SPIRE1: variants seen among roughly 807,000 people sequenced by gnomAD.
SPIRE1 encodes protein spire homolog 1.
SPIRE1 carries 40 observed loss-of-function variants against 94.1 expected under a neutral mutation model. The ratio of observed to expected loss-of-function variants is 0.43; its 90% CI spans 0.33 to 0.55. The LOEUF (loss-of-function observed/expected upper bound fraction) is 0.55. SPIRE1 is among the 20% of genes least tolerant of loss of function. The pLI is 0.06. For synonymous variants in SPIRE1, 376 were observed against 371.7 expected (o/e 1.01, Z -0.13); for missense variants, 838 against 975.2 (o/e 0.86, Z 1.87).
intron 2 of SPIRE1, among the ~76,000 whole-genome samples, chr18:12,602,382 C>G (rs776510363): frequency 2.6e-5 from 4 of 152,116 alleles, no homozygotes; most frequent in Non-Finnish European, 5.9e-5. Flanking sequence ...GCTTGATGTT[C>G]ATTTTTAATT....
chr18:12,569,013 G>C (rs1205839477), intron 2 of SPIRE1, among the ~76,000 whole-genome samples: 1 of 152,110 alleles, frequency 6.6e-6, no homozygotes. Flanking sequence ...GAGCCAAAAA[G>C]TAATTCTAAA....
chr18:12,559,793 A>C lies in SPIRE1; in HGVS notation c.373-12889T>G, dbSNP rs1388088923. Among the ~76,000 whole-genome samples, 1 of 152,214 alleles carries C rather than the reference A, an allele frequency of 6.6e-6. No homozygotes were observed. Among genetic ancestry groups the C allele is most frequent in the African/African-American group, 2.4e-5 (1 of 41,452 alleles). ...ATAGCTTTTGCCAGTGAAGAAAACA[A>C]CAAAATGAAGAAACAACCCAAAGAA... On this transcript the variant is annotated intron_variant, in intron 2 of 16. Transcript: ENST00000409402. The surrounding 1 kb of genome is among the most constrained non-coding windows in gnomAD (Gnocchi z 4.7).
intron 2 of SPIRE1, among the ~76,000 whole-genome samples, chr18:12,600,903 G>T (rs558369052): frequency 2.0e-5 from 3 of 151,996 alleles, no homozygotes; most frequent in African/African-American, 4.8e-5. Context: ...TTGTGTTTTT[G>T]TAGAGATGAG....
At chr18:12,472,874 C>T (rs900620139) in intron 10 of SPIRE1, among the ~76,000 whole-genome samples, 1 of 152,192 alleles carries the variant, frequency 6.6e-6, no homozygotes. Context: ...CTCACTGCAA[C>T]CTCCACCTCC....
At chr18:12,649,547 T>C (rs924848240) in intron 1 of SPIRE1, among the ~76,000 whole-genome samples, 1 of 152,226 alleles carries the variant, frequency 6.6e-6, no homozygotes, top group Non-Finnish European at 1.5e-5. Context: ...GGGAAATACA[T>C]ACAGCTCTAA....
intron 7 of SPIRE1, among the ~76,000 whole-genome samples, chr18:12,495,669 G>T (rs2033431288): frequency 6.6e-6 from 1 of 152,074 alleles, no homozygotes; most frequent in African/African-American, 2.4e-5. Context: ...TGGGAGGACT[G>T]CTTGAGGCCA....
chr18:12,647,504 A>G (rs1453858364), intron 1 of SPIRE1, among the ~76,000 whole-genome samples: 3 of 152,144 alleles, frequency 2.0e-5, no homozygotes, highest in Non-Finnish European at 4.4e-5. Flanking sequence ...TAATCCCACC[A>G]CTGTGGGAAG....
intron 4 of SPIRE1, among the ~76,000 whole-genome samples, chr18:12,530,952 G>T (rs897914030): frequency 1.3e-5 from 2 of 152,150 alleles, no homozygotes; most frequent in Non-Finnish European, 2.9e-5. Flanking sequence ...GCTAGAGCAT[G>T]CTAGGAACGT....
At position 12,454,915 on chromosome 18, in the gene SPIRE1, T is replaced by A. The variant is rs28543064; in HGVS notation, c.1639-432A>T. Among the ~76,000 whole-genome samples, 715 of 151,734 alleles carry A rather than the reference T, an allele frequency of 4.7e-3. 3 individuals carry two copies. The highest frequency in any genetic ancestry group is 0.016 in the African/African-American group (673 of 41,438). Reference sequence around the variant, plus strand: ...GTGTTGTACATTATATACCAATAGATAAAAAGCAAATCTACAGTGGTCCTT... The same window carrying A: ...GTGTTGTACATTATATACCAATAGAAAAAAAGCAAATCTACAGTGGTCCTT... On this transcript the variant is annotated intron_variant, in intron 12 of 16. Coordinates refer to ENST00000409402, the MANE Select transcript of SPIRE1 (RefSeq NM_001128626.2).
intron 2 of SPIRE1, among the ~76,000 whole-genome samples, chr18:12,623,741 G>A (rs116935070): frequency 6.6e-6 from 1 of 152,080 alleles, no homozygotes; most frequent in South Asian, 2.1e-4. Context: ...CAATTCTCTT[G>A]TCTCAGCCTC....
intron 2 of SPIRE1, among the ~76,000 whole-genome samples, chr18:12,553,990 A>G (rs939692033): frequency 3.3e-5 from 5 of 152,094 alleles, no homozygotes; most frequent in African/African-American, 1.2e-4. Flanking sequence ...AAAATCAAAG[A>G]CGTAAAAGGA....
At chr18:12,479,996 T>C in intron 9 of SPIRE1, 125 bp from the exon 10 acceptor site, 2 of 822,444 alleles carry the variant, frequency 2.4e-6, no homozygotes, top group Non-Finnish European at 3.6e-6. Flanking sequence ...ACCTTGCCTA[T>C]GTATAGAAAA....
At chr18:12,636,593 C>T (rs1033055220) in intron 1 of SPIRE1, among the ~76,000 whole-genome samples, 1 of 151,216 alleles carries the variant, frequency 6.6e-6, no homozygotes, top group African/African-American at 2.4e-5. Context: ...ATGAGAAACA[C>T]TGGCTGAAAC....
At chr18:12,593,876 C>A (rs761668576) in intron 2 of SPIRE1, among the ~76,000 whole-genome samples, 1 of 151,982 alleles carries the variant, frequency 6.6e-6, no homozygotes, top group Admixed American at 6.6e-5. Context: ...CGCTTGAACC[C>A]GGGAGGCGGA....
At chr18:12,540,831 G>A (rs1020885792) in intron 3 of SPIRE1, among the ~76,000 whole-genome samples, 1 of 152,218 alleles carries the variant, frequency 6.6e-6, no homozygotes, top group African/African-American at 2.4e-5. Flanking sequence ...GAAAATTCCA[G>A]AAATAAATAA....
chr18:12,459,528 C>T (rs1421995768), intron 12 of SPIRE1, among the ~76,000 whole-genome samples: 1 of 152,256 alleles, frequency 6.6e-6, no homozygotes, highest in Non-Finnish European at 1.5e-5. Context: ...CAAACACCCA[C>T]AGGTCCCCTT....
chr18:12,572,750 T>C (rs150175670), intron 2 of SPIRE1, among the ~76,000 whole-genome samples: 1 of 152,286 alleles, frequency 6.6e-6, no homozygotes, highest in Non-Finnish European at 1.5e-5. Context: ...TCAACTGATA[T>C]TTCACAAAGG....
At chr18:12,505,195 A>G (rs1422180551) in intron 6 of SPIRE1, among the ~76,000 whole-genome samples, 2 of 152,210 alleles carry the variant, frequency 1.3e-5, no homozygotes, top group Non-Finnish European at 2.9e-5. Context: ...TGAAAGCAGG[A>G]AGGCCACTTA....
intron 1 of SPIRE1, among the ~76,000 whole-genome samples, chr18:12,646,756 T>A (rs2038237066): frequency 6.6e-6 from 1 of 151,994 alleles, no homozygotes; most frequent in African/African-American, 2.4e-5. Flanking sequence ...TTTAAAAAAA[T>A]GTATTAGGCC....
Sources: gnomAD v4.1 joint callset for allele counts (sites outside exome capture counted in the v4.1 genomes callset) on GRCh38, gnomAD v4.1.1 for gene constraint, Gnocchi (gnomAD v3.1) non-coding constraint, MANE v1.5 for transcripts, NCBI Gene and HGNC (gene_info 2026-07-23, HGNC 2026-07-21) for gene names.